CRISP2: variants seen among roughly 807,000 people sequenced by gnomAD.
CRISP2 encodes cysteine rich secretory protein 2.
A neutral mutation model predicts 31.7 loss-of-function variants in CRISP2; 29 were observed. That is an observed-to-expected ratio of 0.92 (90% CI 0.68 to 1.25). The LOEUF (loss-of-function observed/expected upper bound fraction) is 1.25. CRISP2 is among the 50% of genes most tolerant of loss of function. The pLI, the probability that CRISP2 is intolerant of heterozygous loss-of-function variation, is 0.00. For synonymous variants in CRISP2, 111 were observed against 101.4 expected (o/e 1.09, Z -0.57); for missense variants, 318 against 286.5 (o/e 1.11, Z -0.79).
intron 8 of CRISP2, 21 bp from the exon 9 acceptor site, chr6:49,695,945 C>A: frequency 1.3e-6 from 2 of 1,525,858 alleles, no homozygotes; most frequent in South Asian, 2.3e-5. Flanking sequence ...AAATACATGT[C>A]AAATATTTTT....
intron 5 of CRISP2, among the ~76,000 whole-genome samples, chr6:49,700,405 G>C (rs1765464607): frequency 6.6e-6 from 1 of 152,138 alleles, no homozygotes; most frequent in Non-Finnish European, 1.5e-5. Flanking sequence ...TTAACAAAAA[G>C]TGTAATGGCT....
At chr6:49,689,503 TTAAATAAC>T (rs1325093431), downstream of CRISP2, among the ~76,000 whole-genome samples, 1 of 152,128 alleles carries the variant, frequency 6.6e-6, no homozygotes. Context: ...AAGCAGTATT[TTAAATAAC>T]TTACTACCTA....
chr6:49,687,779 C>T (rs1210084586), downstream of CRISP2, among the ~76,000 whole-genome samples: 1 of 152,172 alleles, frequency 6.6e-6, no homozygotes, highest in East Asian at 1.9e-4. Flanking sequence ...TGGGTTTCTC[C>T]TCTCATGTAC....
Position 49,697,955 on chromosome 6 carries a change from A to C in CRISP2, c.420T>G (p.Leu140=). Reference sequence around the variant, plus strand: ...CTACCTGGTAAGTCGAGTACCAAACAAGCTGCAAATTAACAATGGAATAAA... The same window carrying C: ...CTACCTGGTAAGTCGAGTACCAAACCAGCTGCAAATTAACAATGGAATAAA... ...PNAVVGHYTQ[L]VWYSTYQVGC... is the part of the protein sequence containing the mutation. Residue 140 remains leucine (L), a splice_region_variant and synonymous_variant, in exon 8 of 10, where the codon CTT becomes CTG. Transcript: ENST00000339139. 1 of 1,583,834 alleles carries C rather than the reference A, an allele frequency of 6.3e-7. No homozygotes were observed. Among genetic ancestry groups the C allele is most frequent in the Non-Finnish European group, 8.6e-7 (1 of 1,167,946 alleles).
intron 4 of CRISP2, among the ~76,000 whole-genome samples, chr6:49,706,557 C>T (rs1767068454): frequency 6.6e-6 from 1 of 152,024 alleles, no homozygotes. Flanking sequence ...GCCTGCTAAG[C>T]CTGGAGGTGG....
At chr6:49,709,289 G>T in intron 3 of CRISP2, 84 bp from the exon 4 acceptor site, 2 of 1,146,936 alleles carry the variant, frequency 1.7e-6, no homozygotes, top group Non-Finnish European at 2.5e-6. Flanking sequence ...TAATGATCTC[G>T]ATTATCTCAA....
downstream of CRISP2, among the ~76,000 whole-genome samples, chr6:49,689,078 A>G (rs1261072111): frequency 6.6e-6 from 1 of 151,994 alleles, no homozygotes; most frequent in Non-Finnish European, 1.5e-5. Context: ...CACCATGTTG[A>G]TCAGGCTGAC....
chr6:49,689,807 C>T (rs947005190), downstream of CRISP2, among the ~76,000 whole-genome samples: 2 of 152,064 alleles, frequency 1.3e-5, no homozygotes, highest in African/African-American at 4.8e-5. Context: ...CAGAATCCCC[C>T]TCTCCTCACT....
chr6:49,690,726 A>T (rs1764022380), downstream of CRISP2, among the ~76,000 whole-genome samples: 1 of 152,076 alleles, frequency 6.6e-6, no homozygotes, highest in African/African-American at 2.4e-5. Flanking sequence ...TTGGTTAAAA[A>T]GGTATATATC....
chr6:49,700,125 T>C (rs1304410528), intron 5 of CRISP2, among the ~76,000 whole-genome samples: 1 of 152,190 alleles, frequency 6.6e-6, no homozygotes, highest in African/African-American at 2.4e-5. Flanking sequence ...TGATTATTTA[T>C]GATAGCAAAG....
chr6:49,692,644 T>TG lies in CRISP2; in HGVS notation c.*128dup. On this transcript the variant is annotated 3_prime_UTR_variant, in exon 10 of 10. Coordinates refer to ENST00000339139, the MANE Select transcript of CRISP2 (RefSeq NM_003296.4). ...CCTGAAAGTGATTTCTGTGATGATC[T>TG]GGGGGAGAAGATGCATTGCTCTTTG... 1 of 835,742 alleles carries TG rather than the reference T, an allele frequency of 1.2e-6. No homozygotes were observed. Among genetic ancestry groups the TG allele is most frequent in the South Asian group, 2.2e-5 (1 of 44,916 alleles). The allele number at this position is 835,742 out of a possible 1,614,324, so 51.8% of individuals were successfully genotyped here.
chr6:49,696,563 T>C (rs1392231255), intron 8 of CRISP2, among the ~76,000 whole-genome samples: 1 of 147,252 alleles, frequency 6.8e-6, no homozygotes, highest in Non-Finnish European at 1.5e-5. Flanking sequence ...GGAATATTAG[T>C]TTTTGTTATC....
chr6:49,690,652 TC>T (rs1292482232), downstream of CRISP2, among the ~76,000 whole-genome samples: 1 of 152,172 alleles, frequency 6.6e-6, no homozygotes, highest in East Asian at 1.9e-4. Context: ...ATCTATAAAA[TC>T]AAATGTTTGT....
chr6:49,695,828 A>C lies in CRISP2; in HGVS notation c.604+8T>G, dbSNP rs780563471. ...TAAATAATAGCAAGCTAATCACTTC[A>C]AACTTACTGCATAGTCCTTTGTCAC... On this transcript the variant is annotated splice_region_variant and intron_variant, in intron 9 of 9. Transcript: ENST00000339139. 1 of 1,590,692 alleles carries C rather than the reference A, an allele frequency of 6.3e-7. No homozygotes were observed. The highest frequency in any genetic ancestry group is 8.6e-7 in the Non-Finnish European group (1 of 1,162,434).
chr6:49,677,939 A>C, the CRISP2 span, among the ~76,000 whole-genome samples: 1 of 152,084 alleles, frequency 6.6e-6, no homozygotes, highest in Non-Finnish European at 1.5e-5. Flanking sequence ...GAGTTAGAGA[A>C]ACTGGGTTTA....
At chr6:49,683,757 TAA>T in the CRISP2 span, among the ~76,000 whole-genome samples, 7 of 132,360 alleles carry the variant, frequency 5.3e-5, no homozygotes, top group African/African-American at 1.9e-4. Flanking sequence ...ATGTAATTTA[TAA>T]AGACATATTC....
At chr6:49,686,763 T>C in the CRISP2 span, among the ~76,000 whole-genome samples, 16 of 152,236 alleles carry the variant, frequency 1.1e-4, no homozygotes, top group African/African-American at 3.1e-4. Context: ...CATATGCTTA[T>C]TGCGGCATTA....
At chr6:49,701,748 T>C (rs1765899601) in intron 4 of CRISP2, among the ~76,000 whole-genome samples, 1 of 107,242 alleles carries the variant, frequency 9.3e-6, no homozygotes, top group African/African-American at 3.6e-5. Flanking sequence ...ACACGGTATA[T>C]ATATAATGTA....
intron 2 of CRISP2, among the ~76,000 whole-genome samples, chr6:49,711,983 G>A (rs1768093317): frequency 6.6e-6 from 1 of 152,186 alleles, no homozygotes; most frequent in Admixed American, 6.5e-5. Flanking sequence ...GCTCATAAGA[G>A]CTTTCTATAA....
Sources: gnomAD v4.1 joint callset for allele counts (sites outside exome capture counted in the v4.1 genomes callset) on GRCh38, gnomAD v4.1.1 for gene constraint, MANE v1.5 for transcripts, NCBI Gene and HGNC (gene_info 2026-07-23, HGNC 2026-07-21) for gene names.